Variants in SPAG16 observed in about 807,000 individuals in gnomAD.
SPAG16 encodes the protein sperm associated antigen 16.
A neutral mutation model predicts 80.4 loss-of-function variants in SPAG16; 86 were observed. The ratio of observed to expected loss-of-function variants is 1.07; its 90% CI spans 0.90 to 1.28. The LOEUF (loss-of-function observed/expected upper bound fraction) is 1.28. Ranked by LOEUF, SPAG16 falls within the 50% of genes most tolerant of loss-of-function variation. The probability of loss-of-function intolerance (pLI) is 0.00; values close to 1 mark genes in which losing one functional copy is unlikely to be tolerated. For missense variants in SPAG16, 870 were observed against 765.3 expected (o/e 1.14, Z -1.61); for synonymous variants, 294 against 265.9 (o/e 1.11, Z -1.03).
At chr2:214,029,312 T>C (rs1038989733) in intron 13 of SPAG16, among the ~76,000 whole-genome samples, 1 of 151,916 alleles carries the variant, frequency 6.6e-6, no homozygotes, top group Non-Finnish European at 1.5e-5. Flanking sequence ...TTGGAAAATA[T>C]AAAATGAGGC....
chr2:213,634,876 C>T (rs775201079), intron 10 of SPAG16, among the ~76,000 whole-genome samples: 13 of 151,976 alleles, frequency 8.6e-5, no homozygotes, highest in Admixed American at 7.9e-4. Context: ...TCCTGAGTAA[C>T]TTCACTTGGA....
chr2:213,559,462 C>A (rs1357185410), intron 10 of SPAG16, among the ~76,000 whole-genome samples: 1 of 152,110 alleles, frequency 6.6e-6, no homozygotes, highest in African/African-American at 2.4e-5. Flanking sequence ...CAGCTCTAGA[C>A]CATTTTTACA....
At chr2:213,672,859 G>GTTTTTTTTTTTTTTTTTTT (rs750046794) in intron 10 of SPAG16, among the ~76,000 whole-genome samples, 3 of 124,422 alleles carry the variant, frequency 2.4e-5, no homozygotes, top group Non-Finnish European at 3.5e-5. Flanking sequence ...TATTTTGTTT[G>GTTTTTTTTTTTTTTTTTTT]TTTTTTTTTT....
At chr2:213,699,579 G>A (rs2065314778) in intron 10 of SPAG16, among the ~76,000 whole-genome samples, 1 of 152,150 alleles carries the variant, frequency 6.6e-6, no homozygotes, top group African/African-American at 2.4e-5. Context: ...TGTCTAGTAT[G>A]CTTATGGAAA....
intron 13 of SPAG16, among the ~76,000 whole-genome samples, chr2:214,073,934 G>A (rs1014277099): frequency 5.9e-5 from 9 of 152,288 alleles, no homozygotes; most frequent in African/African-American, 1.9e-4. Context: ...CACTGTAATT[G>A]CAATGGATTG....
At chr2:213,644,257 TC>T (rs1220339700) in intron 10 of SPAG16, among the ~76,000 whole-genome samples, 1 of 152,096 alleles carries the variant, frequency 6.6e-6, no homozygotes, top group African/African-American at 2.4e-5. Flanking sequence ...CTCTGTGTTG[TC>T]TTGAATTTCT....
Position 213,973,112 on chromosome 2 carries a change from G to A in SPAG16, c.1401-40839G>A, listed in dbSNP as rs191649033. 2.0e-3 allele frequency among the ~76,000 whole-genome samples: 298 copies of A among 152,308 alleles called. 1 individual carries two copies. Among genetic ancestry groups the A allele is most frequent in the Middle Eastern group, 6.8e-3 (2 of 294 alleles). ...TTTACTTCCTACTTGTGCTGAGTGT[G>A]GACATCAGCCAATGATGAAAGCTTA... On this transcript the variant is annotated intron_variant, in intron 12 of 15. Coordinates refer to ENST00000331683, the MANE Select transcript of SPAG16 (RefSeq NM_024532.5).
chr2:213,657,798 T>C (rs1273867781), intron 10 of SPAG16, among the ~76,000 whole-genome samples: 1 of 152,138 alleles, frequency 6.6e-6, no homozygotes, highest in Non-Finnish European at 1.5e-5. Flanking sequence ...AAAGATATAG[T>C]CCACATTTAT....
Position 213,971,679 on chromosome 2 carries a change from T to C in SPAG16, c.1400+41534T>C, listed in dbSNP as rs1177694993. ...TTACCATATGATCCAGCAACTCTGC[T>C]TCTAAAAATATACTGCAAAGACTTG... On this transcript the variant is annotated intron_variant, in intron 12 of 15. Transcript: ENST00000331683. Among the ~76,000 whole-genome samples, 3 of 152,188 alleles carry C rather than the reference T, an allele frequency of 2.0e-5. No homozygotes were observed. The East Asian group carries it at 5.8e-4, about 29-fold the overall frequency.
In SPAG16 at chr2:213,930,152, A is replaced by G. The variant is rs1044054914; in HGVS notation, c.1400+7A>G. Reference sequence around the variant, plus strand: ...AAATTTGGGATGTTAATAGGTAAGAAGTACTTTAAACATTACTAATCCTCT... The same window carrying G: ...AAATTTGGGATGTTAATAGGTAAGAGGTACTTTAAACATTACTAATCCTCT... On this transcript the variant is annotated splice_region_variant and intron_variant, in intron 12 of 15. Transcript: ENST00000331683. The G allele has an allele frequency of 4.3e-6, 7 of 1,610,790 alleles. No homozygotes were observed. Among genetic ancestry groups the G allele is most frequent in the Non-Finnish European group, 5.9e-6 (7 of 1,177,782 alleles).
At chr2:214,144,634 T>A (rs7597126) in intron 14 of SPAG16, among the ~76,000 whole-genome samples, 27 of 152,000 alleles carry the variant, frequency 1.8e-4, no homozygotes, top group African/African-American at 6.5e-4. Context: ...TTTTCTAGTA[T>A]GCAGTATAAC....
intron 14 of SPAG16, among the ~76,000 whole-genome samples, chr2:214,118,559 G>C (rs926546656): frequency 1.3e-5 from 2 of 152,096 alleles, no homozygotes; most frequent in African/African-American, 4.8e-5. Flanking sequence ...TTCTTCACAT[G>C]GTGGCGGCAG....
At chr2:213,896,573 GAT>G (rs142964307) in intron 11 of SPAG16, among the ~76,000 whole-genome samples, 1 of 60,478 alleles carries the variant, frequency 1.7e-5, no homozygotes, top group Non-Finnish European at 4.0e-5. Flanking sequence ...GATAAAATGT[GAT>G]ATATACACAC....
intron 13 of SPAG16, among the ~76,000 whole-genome samples, chr2:214,031,827 A>G (rs1478472111): frequency 6.6e-6 from 1 of 152,068 alleles, no homozygotes; most frequent in Non-Finnish European, 1.5e-5. Context: ...AGAGAGAACC[A>G]AGGGGGGAAG....
intron 1 of SPAG16, among the ~76,000 whole-genome samples, chr2:213,290,977 T>C (rs1419331603): frequency 6.6e-6 from 1 of 152,226 alleles, no homozygotes; most frequent in Non-Finnish European, 1.5e-5. Flanking sequence ...CCCAAGAATG[T>C]CATTTCTCTC....
In SPAG16 at chr2:213,284,531, A is replaced by T; in HGVS notation, c.48A>T (p.Glu16Asp). 6.3e-7 allele frequency: 1 copy of T among 1,598,764 alleles called. No individual in the cohort carries two copies. The highest frequency in any genetic ancestry group is 8.5e-7 in the Non-Finnish European group (1 of 1,173,018). The change falls in exon 1 of 16, where the codon GAA (glutamate) becomes GAT (aspartate). Residue 16 changes from glutamate (E) to aspartate (D), a missense_variant. Physicochemically the swap from Glu to Asp is conservative, Grantham distance 45. Coordinates refer to ENST00000331683, the MANE Select transcript of SPAG16 (RefSeq NM_024532.5). ...CCAGCTCCGCCGTGAGGGTCCTGGA[A>T]GAGGCGTTGGGCATGGGTTTGACGG... ...GMPSSAVRVL[E>D]EALGMGLTAA... is the part of the protein sequence containing the mutation.
At chr2:214,409,592 G>T (rs1429428740) in intron 15 of SPAG16, among the ~76,000 whole-genome samples, 2 of 152,022 alleles carry the variant, frequency 1.3e-5, no homozygotes, top group Non-Finnish European at 2.9e-5. Context: ...ATTTTGAAAT[G>T]GAAGTATTTA....
At chr2:213,992,518 A>G (rs538402873) in intron 12 of SPAG16, among the ~76,000 whole-genome samples, 1 of 152,168 alleles carries the variant, frequency 6.6e-6, no homozygotes, top group African/African-American at 2.4e-5. Context: ...TAAAATTATT[A>G]TCTGTTAATT....
chr2:213,843,949 T>G, intron 10 of SPAG16, among the ~76,000 whole-genome samples: 1 of 129,752 alleles, frequency 7.7e-6, no homozygotes, highest in South Asian at 2.8e-4. Context: ...AATATAAAAC[T>G]TATAAAAATT....
Sources: allele counts gnomAD v4.1 joint callset (sites outside exome capture counted in the v4.1 genomes callset), GRCh38; gene constraint gnomAD v4.1.1; transcripts MANE v1.5; gene names NCBI Gene and HGNC (gene_info 2026-07-23, HGNC 2026-07-21).